UNC5C: variants seen among roughly 807,000 people sequenced by gnomAD.
UNC5C encodes netrin receptor UNC5C.
A neutral mutation model predicts 99.8 loss-of-function variants in UNC5C; 47 were observed. That is an observed-to-expected ratio of 0.47 (90% confidence interval 0.37 to 0.60). The LOEUF (loss-of-function observed/expected upper bound fraction) is 0.60, where lower values mean the gene tolerates loss of function less well. Among genes scored for constraint, UNC5C ranks in the 20% least tolerant of loss-of-function variants. The pLI is 0.00. For synonymous variants in UNC5C, 487 were observed against 452.2 expected (o/e 1.08, Z -0.98); for missense variants, 1,062 against 1,165.9 (o/e 0.91, Z 1.30).
At chr4:95,376,522 C>T (rs1426891337) in intron 1 of UNC5C, among the ~76,000 whole-genome samples, 1 of 152,026 alleles carries the variant, frequency 6.6e-6, no homozygotes, top group African/African-American at 2.4e-5. Context: ...TTAGAAGCTC[C>T]TATTTTGAAA....
chr4:95,172,932 G>C (rs1579195898), intron 14 of UNC5C, among the ~76,000 whole-genome samples: 2 of 152,190 alleles, frequency 1.3e-5, no homozygotes, highest in East Asian at 3.9e-4. Flanking sequence ...GTGGTTTGTA[G>C]TTCTCCTTGA....
chr4:95,206,042 C>T (rs560620489), intron 11 of UNC5C, among the ~76,000 whole-genome samples: 1 of 151,146 alleles, frequency 6.6e-6, no homozygotes, highest in African/African-American at 2.4e-5. Context: ...ACTCTGTTGC[C>T]CAAGCTGGAG....
chr4:95,488,648 T>C (rs138790420), intron 1 of UNC5C, among the ~76,000 whole-genome samples: 96 of 151,880 alleles, frequency 6.3e-4, no homozygotes, highest in African/African-American at 2.2e-3. Context: ...GAACTCGTAA[T>C]ACAGATTAAT....
At position 95,525,596 on chromosome 4, in the gene UNC5C, TAAAA is replaced by T. The variant is rs574532435; in HGVS notation, c.124+23134_124+23137del. Among the ~76,000 whole-genome samples, 232 of 102,150 alleles carry T rather than the reference TAAAA, an allele frequency of 2.3e-3. 1 individual carries two copies. The highest frequency in any genetic ancestry group is 6.3e-3 in the East Asian group (20 of 3,150). 67.0% of individuals were successfully genotyped at this position (102,150 alleles called of 152,430 possible). ...ATAGCAGTGTGCAAAGCCTATTTCTTAAAAAAAAAAAAAAAAAAAAAAGACATAC... is the reference window on the plus strand; with the variant it reads ...ATAGCAGTGTGCAAAGCCTATTTCTTAAAAAAAAAAAAAAAAAAGACATAC... On this transcript the variant is annotated intron_variant, in intron 1 of 15. Coordinates refer to ENST00000453304, the MANE Select transcript of UNC5C (RefSeq NM_003728.4).
intron 1 of UNC5C, among the ~76,000 whole-genome samples, chr4:95,449,972 T>A (rs1747234260): frequency 6.6e-6 from 1 of 152,218 alleles, no homozygotes; most frequent in South Asian, 2.1e-4. Flanking sequence ...CCCAAGTTTC[T>A]TGTTACTGTC....
At position 95,169,241 on chromosome 4, in the gene UNC5C, T is replaced by C; in HGVS notation, c.2789A>G (p.Gln930Arg). 1 of 1,614,108 alleles carries C rather than the reference T, an allele frequency of 6.2e-7. No homozygotes were observed. Among genetic ancestry groups the C allele is most frequent in the Non-Finnish European group, 8.5e-7 (1 of 1,180,016 alleles). The change falls in exon 16 of 16, where the codon CAG (glutamine) becomes CGG (arginine). Residue 930 changes from glutamine (Q) to arginine (R), a missense_variant. This residue lies in a region of UNC5C where 810 missense variants were observed against 854.5 expected (regional missense o/e 0.95). Transcript: ENST00000453304. ...CCCCTTCCAGCATGGTGGTTAATAC[T>C]GCCCTTCTGCTGCTAAGGACACCAC... is the stretch of plus-strand genomic sequence containing the variant. ...ETVVSLAAEGQY is the reference protein window; with the variant it reads ...ETVVSLAAEGRY
At chr4:95,412,510 T>G (rs751816686) in intron 1 of UNC5C, among the ~76,000 whole-genome samples, 10 of 152,152 alleles carry the variant, frequency 6.6e-5, no homozygotes, top group Non-Finnish European at 1.3e-4. Context: ...GAGCTGTGCC[T>G]GACACAGAAT....
rs373257713 is a variant in UNC5C, at chr4:95,209,326, AG to A, written c.1734-2531del. Among the ~76,000 whole-genome samples the A allele has an allele frequency of 2.1e-3, 327 of 152,346 alleles. 3 individuals are homozygous for A. Among genetic ancestry groups the A allele is most frequent in the South Asian group, 7.9e-3 (38 of 4,820 alleles). The stretch of plus-strand genomic sequence containing the variant: ...GTAGCAGCTAACTTGGTAGCTCACA[AG>A]TAAGTTTGTATCTTAGAGCTTCCAC... On this transcript the variant is annotated intron_variant, in intron 10 of 15. Coordinates refer to ENST00000453304, the MANE Select transcript of UNC5C (RefSeq NM_003728.4).
intron 1 of UNC5C, among the ~76,000 whole-genome samples, chr4:95,383,329 G>A (rs538632828): frequency 6.6e-6 from 1 of 152,030 alleles, no homozygotes; most frequent in East Asian, 1.9e-4. Flanking sequence ...CTAATGAGCA[G>A]ATCTCTTTTC....
chr4:95,548,922 C>A lies in UNC5C; in HGVS notation c.-65G>T. On this transcript the variant is annotated 5_prime_UTR_variant, in exon 1 of 16. Coordinates refer to ENST00000453304, the MANE Select transcript of UNC5C (RefSeq NM_003728.4). ...AGAGACGCGCAAACAGCTGAAAGCCCCACTGGGCAGAAGCTGAATCCGTGC... is the reference window on the plus strand; with the variant it reads ...AGAGACGCGCAAACAGCTGAAAGCCACACTGGGCAGAAGCTGAATCCGTGC... 1 of 1,586,554 alleles carries A rather than the reference C, an allele frequency of 6.3e-7. No individual in the cohort carries two copies. Among genetic ancestry groups the A allele is most frequent in the Non-Finnish European group, 8.6e-7 (1 of 1,162,834 alleles).
At chr4:95,507,204 A>G (rs563846059) in intron 1 of UNC5C, among the ~76,000 whole-genome samples, 1 of 152,094 alleles carries the variant, frequency 6.6e-6, no homozygotes, top group East Asian at 1.9e-4. Context: ...TTCTTCTTTA[A>G]TATAATATCA....
intron 2 of UNC5C, among the ~76,000 whole-genome samples, chr4:95,313,903 G>A (rs1309643128): frequency 2.0e-5 from 3 of 152,174 alleles, no homozygotes; most frequent in Non-Finnish European, 4.4e-5. Context: ...CGTATTGGCT[G>A]ACTTTTGGCA....
At chr4:95,234,438 A>T (rs1274319055) in intron 7 of UNC5C, among the ~76,000 whole-genome samples, 2 of 152,136 alleles carry the variant, frequency 1.3e-5, no homozygotes, top group Non-Finnish European at 2.9e-5. Flanking sequence ...CAGGTTAGTT[A>T]CATATGTATA....
chr4:95,346,354 A>G (rs1743771899), intron 1 of UNC5C, among the ~76,000 whole-genome samples: 1 of 152,040 alleles, frequency 6.6e-6, no homozygotes, highest in South Asian at 2.1e-4. Context: ...CCAAACATTT[A>G]AAGAAGAACT....
chr4:95,242,670 T>C lies in UNC5C; in HGVS notation c.944-77A>G, dbSNP rs1007150079. Reference sequence around the variant, plus strand: ...GGGATGGAGCAGAGCTCAAATATAATACAACAAAACAAAACAAGAACAAGC... The same window carrying C: ...GGGATGGAGCAGAGCTCAAATATAACACAACAAAACAAAACAAGAACAAGC... On this transcript the variant is annotated intron_variant, in intron 6 of 15. Transcript: ENST00000453304. The C allele has an allele frequency of 3.7e-5, 53 of 1,417,878 alleles. 1 individual carries two copies. The highest frequency in any genetic ancestry group is 4.5e-5 in the Non-Finnish European group (48 of 1,071,274). The allele number at this position is 1,417,878 out of a possible 1,614,324, so 87.8% of individuals were successfully genotyped here. A position where few individuals can be genotyped will look rare whatever the true frequency, so the allele number is the denominator to read the frequency against.
intron 1 of UNC5C, among the ~76,000 whole-genome samples, chr4:95,366,616 G>T (rs544398638): frequency 1.3e-5 from 2 of 152,310 alleles, no homozygotes. Flanking sequence ...GCAATTATTG[G>T]TAGGACCTTT....
intron 7 of UNC5C, among the ~76,000 whole-genome samples, chr4:95,223,426 A>G (rs992807456): frequency 2.0e-5 from 3 of 152,216 alleles, no homozygotes; most frequent in African/African-American, 7.2e-5. Context: ...CTGTAATACT[A>G]AAAGCAACTC....
intron 1 of UNC5C, among the ~76,000 whole-genome samples, chr4:95,343,429 G>A (rs1743652780): frequency 6.6e-6 from 1 of 152,090 alleles, no homozygotes; most frequent in African/African-American, 2.4e-5. Context: ...ACCTCTATGA[G>A]TCTGCAAAAG....
At chr4:95,248,806 G>A (rs1739591767) in intron 5 of UNC5C, among the ~76,000 whole-genome samples, 1 of 152,112 alleles carries the variant, frequency 6.6e-6, no homozygotes, top group African/African-American at 2.4e-5. Flanking sequence ...CATAGTTGTT[G>A]TAACATTGTG....
Sources: gnomAD v4.1 joint callset for allele counts (sites outside exome capture counted in the v4.1 genomes callset) on GRCh38, gnomAD v4.1.1 for gene constraint, gnomAD v4.1.1 regional missense constraint, MANE v1.5 for transcripts, NCBI Gene and HGNC (gene_info 2026-07-23, HGNC 2026-07-21) for gene names.